Variants in LMAN1L observed in about 807,000 individuals in gnomAD.
LMAN1L encodes protein ERGIC-53-like.
Under a neutral mutation model 58.3 loss-of-function variants are expected in LMAN1L, and 60 were observed. The ratio of observed to expected loss-of-function variants is 1.03; its 90% CI spans 0.84 to 1.27. The LOEUF is 1.27. Ranked by LOEUF, LMAN1L falls within the 50% of genes most tolerant of loss-of-function variation. The pLI is 0.00. For synonymous variants in LMAN1L, 280 were observed against 271.6 expected (o/e 1.03, Z -0.31); for missense variants, 629 against 674.0 (o/e 0.93, Z 0.74).
intron 1 of LMAN1L, chr15:74,813,371 A>G: frequency 2.1e-6 from 1 of 478,372 alleles, no homozygotes; most frequent in Non-Finnish European, 4.1e-6. Flanking sequence ...AGGCACACAG[A>G]AGGCAATGTG....
At chr15:74,813,395 C>G (rs993241555) in intron 1 of LMAN1L, 1 of 466,230 alleles carries the variant, frequency 2.1e-6, no homozygotes, top group Non-Finnish European at 4.3e-6. Context: ...CAGCACAAAC[C>G]TCCACTCTCC....
intron 7 of LMAN1L, 52 bp from the exon 8 acceptor site, chr15:74,820,583 C>T: frequency 1.2e-6 from 2 of 1,610,456 alleles, no homozygotes; most frequent in Non-Finnish European, 8.5e-7. Context: ...GCTCCCCTTG[C>T]TTCTGGATCT....
rs550293231 is a variant in LMAN1L at position 74,824,184 on chromosome 15, G to C, written c.1324-167G>C. 1,306 of 668,596 alleles carry C rather than the reference G, an allele frequency of 2.0e-3. 10 individuals are homozygous for C. The Middle Eastern group carries it at 0.029, about 15-fold the overall frequency. 41.4% of individuals were successfully genotyped at this position (668,596 alleles called of 1,614,324 possible). A position where few individuals can be genotyped will look rare whatever the true frequency, so the allele number is the denominator to read the frequency against. ...CAGATGCAGCCATGGGAGCTGGGGT[G>C]GGGGAGGCAGCTTTGTACACTGCCC... is the stretch of plus-strand genomic sequence containing the variant. On this transcript the variant is annotated intron_variant, in intron 12 of 13. Transcript: ENST00000309664.
intron 12 of LMAN1L, chr15:74,824,089 CTCTCT>C (rs1000418064): frequency 4.4e-5 from 24 of 539,414 alleles, no homozygotes; most frequent in African/African-American, 1.3e-4. Context: ...CTCTTTACTT[CTCTCT>C]TCTCTTCTCT....
intron 5 of LMAN1L, 26 bp from the exon 6 acceptor site, chr15:74,819,126 C>A: frequency 1.9e-6 from 3 of 1,584,962 alleles, no homozygotes; most frequent in African/African-American, 1.3e-5. Flanking sequence ...CACCCCCCCA[C>A]TGCTCACTCT....
chr15:74,818,240 G>C (rs1012960136), intron 4 of LMAN1L, among the ~76,000 whole-genome samples: 1 of 152,128 alleles, frequency 6.6e-6, no homozygotes, highest in Non-Finnish European at 1.5e-5. Context: ...TCTGCCAAGG[G>C]AGCAGGGTAC....
At chr15:74,814,124 CAA>C (rs550948566) in intron 1 of LMAN1L, among the ~76,000 whole-genome samples, 79 of 64,110 alleles carry the variant, frequency 1.2e-3, no homozygotes, top group African/African-American at 3.0e-3. Context: ...GACTCTGGCT[CAA>C]AAAAAAAAAA....
At chr15:74,819,638 AATGCCAG>A in intron 6 of LMAN1L, 1 of 473,502 alleles carries the variant, frequency 2.1e-6, no homozygotes, top group Non-Finnish European at 3.8e-6. Context: ...GGAGTCCTTG[AATGCCAG>A]GACCTTGGTC....
At position 74,818,638 on chromosome 15, in the gene LMAN1L, G is replaced by A. The variant is rs1183372284; in HGVS notation, c.498-80G>A. ...GAGCCCAGCAGGCAGAAGTTGCAAT[G>A]AGCCACAACTGCACCACTGCACTCC... On this transcript the variant is annotated intron_variant, in intron 4 of 13. Coordinates refer to ENST00000309664, the MANE Select transcript of LMAN1L (RefSeq NM_021819.3). The A allele has an allele frequency of 1.4e-5, 15 of 1,070,388 alleles. No individual in the cohort carries two copies. The East Asian group carries it at 3.6e-4, about 26-fold the overall frequency. 66.3% of individuals were successfully genotyped at this position (1,070,388 alleles called of 1,614,324 possible). A position where few individuals can be genotyped will look rare whatever the true frequency, so the allele number is the denominator to read the frequency against.
chr15:74,815,965 T>C (rs1321456744), intron 1 of LMAN1L, among the ~76,000 whole-genome samples, 192 bp from the exon 2 acceptor site: 1 of 152,232 alleles, frequency 6.6e-6, no homozygotes, highest in African/African-American at 2.4e-5. Flanking sequence ...CTGGCATTCA[T>C]TGCCCTCCCC....
intron 1 of LMAN1L, among the ~76,000 whole-genome samples, chr15:74,814,801 G>T (rs542173792): frequency 6.6e-6 from 1 of 152,138 alleles, no homozygotes; most frequent in East Asian, 1.9e-4. Flanking sequence ...GAGCCACCGC[G>T]CCCAGCCCAA....
intron 4 of LMAN1L, among the ~76,000 whole-genome samples, chr15:74,818,026 A>AG (rs1345749236): frequency 3.3e-5 from 5 of 149,914 alleles, no homozygotes; most frequent in South Asian, 4.7e-4. Flanking sequence ...AAAAAAAAAA[A>AG]AAAGAGAGAG....
At chr15:74,820,881 T>C in intron 8 of LMAN1L, 114 bp downstream of exon 8, 2 of 1,427,256 alleles carry the variant, frequency 1.4e-6, no homozygotes, top group Non-Finnish European at 1.9e-6. Flanking sequence ...GGAGGCCACA[T>C]CTAAGCAGGC....
In LMAN1L at chr15:74,819,351, T is replaced by A. The variant is rs531210371; in HGVS notation, c.718+79T>A. ...CCTCAGCACACCTTCTAAAGAGCACTGGGGTGGCGTCAGCCACTTCACCAC... is the reference window on the plus strand; with the variant it reads ...CCTCAGCACACCTTCTAAAGAGCACAGGGGTGGCGTCAGCCACTTCACCAC... On this transcript the variant is annotated intron_variant, in intron 6 of 13. Coordinates refer to ENST00000309664, the MANE Select transcript of LMAN1L (RefSeq NM_021819.3). 7 of 1,529,350 alleles carry A rather than the reference T, an allele frequency of 4.6e-6. No individual in the cohort carries two copies. In the African/African-American group the frequency reaches 8.3e-5, roughly 18 times the overall value. 94.7% of individuals were successfully genotyped at this position (1,529,350 alleles called of 1,614,324 possible). A position where few individuals can be genotyped will look rare whatever the true frequency, so the allele number is the denominator to read the frequency against.
intron 4 of LMAN1L, among the ~76,000 whole-genome samples, chr15:74,818,489 T>C (rs1221135350): frequency 6.6e-6 from 1 of 151,548 alleles, no homozygotes; most frequent in African/African-American, 2.4e-5. Context: ...AGGTCAGGAG[T>C]TTGAGACCAG....
At chr15:74,818,654 A>G (rs1483567636) in intron 4 of LMAN1L, 64 bp from the exon 5 acceptor site, 1 of 1,235,488 alleles carries the variant, frequency 8.1e-7, no homozygotes, top group Non-Finnish European at 1.2e-6. Context: ...CAACTGCACC[A>G]CTGCACTCCA....
intron 7 of LMAN1L, chr15:74,820,311 C>T: frequency 1.6e-6 from 1 of 620,634 alleles, no homozygotes. Flanking sequence ...CATTACAGTT[C>T]AGAGCGATCA....
intron 11 of LMAN1L, among the ~76,000 whole-genome samples, chr15:74,823,333 C>T (rs1435882216): frequency 2.0e-5 from 3 of 152,058 alleles, no homozygotes; most frequent in African/African-American, 7.3e-5. Flanking sequence ...GCCGGGGAGC[C>T]TGGGGTTGAC....
At chr15:74,822,921 C>T (rs1427145821) in intron 11 of LMAN1L, among the ~76,000 whole-genome samples, 2 of 152,224 alleles carry the variant, frequency 1.3e-5, no homozygotes, top group East Asian at 3.8e-4. Flanking sequence ...GCAATTCTCT[C>T]CTGGAGAAGC....
Sources: allele counts gnomAD v4.1 joint callset (sites outside exome capture counted in the v4.1 genomes callset), GRCh38; gene constraint gnomAD v4.1.1; transcripts MANE v1.5; gene names NCBI Gene and HGNC (gene_info 2026-07-23, HGNC 2026-07-21).